The following NRXN1 variants were observed in gnomAD, a reference collection of about 807,000 sequenced individuals.
NRXN1 encodes neurexin-1.
Under a neutral mutation model 150.9 loss-of-function variants are expected in NRXN1, and 39 were observed. The ratio of observed to expected loss-of-function variants is 0.26; its 90% CI spans 0.20 to 0.34. The LOEUF is 0.34. NRXN1 is among the 10% of genes least tolerant of loss of function. NRXN1 has a pLI of 1.00. For synonymous variants in NRXN1, 924 were observed against 757.0 expected, an observed-to-expected ratio of 1.22 and a Z score of -3.62; for missense variants, 1,815 against 1,949.9, an observed-to-expected ratio of 0.93 and a Z score of 1.30.
chr2:50,428,091 T>A (rs1164118413), intron 17 of NRXN1, among the ~76,000 whole-genome samples: 3 of 152,092 alleles, frequency 2.0e-5, no homozygotes, highest in African/African-American at 7.2e-5. Context: ...AGGGGGATTG[T>A]CAATCAAGAG....
intron 17 of NRXN1, among the ~76,000 whole-genome samples, chr2:50,309,312 G>GT (rs2074960559): frequency 6.6e-6 from 1 of 152,136 alleles, no homozygotes; most frequent in East Asian, 1.9e-4. Context: ...CTAGGACACA[G>GT]TTTTTCCTCT....
intron 16 of NRXN1, among the ~76,000 whole-genome samples, chr2:50,467,515 C>T (rs1039560641): frequency 2.0e-5 from 3 of 151,420 alleles, no homozygotes; most frequent in African/African-American, 4.8e-5. Context: ...TTGAAAATGG[C>T]TTCTAAACAT....
At chr2:50,081,029 G>A (rs1301549892) in intron 19 of NRXN1, among the ~76,000 whole-genome samples, 1 of 152,070 alleles carries the variant, frequency 6.6e-6, no homozygotes. Flanking sequence ...ACATAATTTT[G>A]TATACAAATG....
intron 5 of NRXN1, among the ~76,000 whole-genome samples, chr2:50,695,012 C>T (rs759312904): frequency 2.0e-5 from 3 of 152,102 alleles, no homozygotes; most frequent in Non-Finnish European, 4.4e-5. Flanking sequence ...AGAATAAACA[C>T]AGCTGGATTC....
At chr2:50,621,760 C>T (rs1335288390) in intron 6 of NRXN1, among the ~76,000 whole-genome samples, 6 of 152,154 alleles carry the variant, frequency 3.9e-5, no homozygotes, top group Non-Finnish European at 8.8e-5. Context: ...TCCTCCTCAA[C>T]TTCAAAACTT....
chr2:50,934,518 T>C (rs1440627042), intron 2 of NRXN1, among the ~76,000 whole-genome samples: 1 of 152,126 alleles, frequency 6.6e-6, no homozygotes, highest in Non-Finnish European at 1.5e-5. Context: ...TTCAGTTCCT[T>C]AGCCATGTTC....
intron 8 of NRXN1, among the ~76,000 whole-genome samples, chr2:50,559,635 A>G (rs994354162): frequency 6.6e-6 from 1 of 152,164 alleles, no homozygotes; most frequent in Admixed American, 6.5e-5. Context: ...ACACACAACC[A>G]GAGTTTAAAC....
intron 4 of NRXN1, among the ~76,000 whole-genome samples, chr2:50,922,163 T>C (rs1027970743): frequency 6.6e-5 from 10 of 151,864 alleles, no homozygotes; most frequent in African/African-American, 9.7e-5. Flanking sequence ...TAAATCTACG[T>C]AGAGAAAGTA....
chr2:50,417,547 A>C (rs1373418906), intron 17 of NRXN1, among the ~76,000 whole-genome samples: 2 of 151,804 alleles, frequency 1.3e-5, no homozygotes, highest in Non-Finnish European at 2.9e-5. Context: ...TCTGCTTGGT[A>C]GTAGGGATTT....
chr2:50,974,971 A>G (rs1695592752), intron 2 of NRXN1, among the ~76,000 whole-genome samples: 1 of 151,982 alleles, frequency 6.6e-6, no homozygotes, highest in South Asian at 2.1e-4. Flanking sequence ...CACTGAATTA[A>G]TTTTATGATC....
intron 5 of NRXN1, among the ~76,000 whole-genome samples, chr2:50,743,558 T>C (rs1380041873): frequency 6.6e-6 from 1 of 152,154 alleles, no homozygotes; most frequent in East Asian, 1.9e-4. Context: ...ATCAATTTTG[T>C]TTTCCAGAAA....
chr2:50,646,621 A>G (rs1573949729), intron 5 of NRXN1, among the ~76,000 whole-genome samples: 1 of 151,466 alleles, frequency 6.6e-6, no homozygotes, highest in African/African-American at 2.4e-5. Context: ...GACATGAACT[A>G]GGTTCAATTA....
At chr2:50,011,293 C>G (rs1005685867) in intron 21 of NRXN1, among the ~76,000 whole-genome samples, 3 of 152,106 alleles carry the variant, frequency 2.0e-5, no homozygotes, top group Non-Finnish European at 2.9e-5. Flanking sequence ...TATTTTCATA[C>G]TTTTTTACTT....
intron 5 of NRXN1, among the ~76,000 whole-genome samples, chr2:50,671,276 T>C (rs138913641): frequency 0.014 from 2,116 of 151,864 alleles, 47 homozygotes; most frequent in African/African-American, 0.048. Flanking sequence ...AACTTTTCTA[T>C]TCTATATAGT....
intron 9 of NRXN1, among the ~76,000 whole-genome samples, chr2:50,549,969 C>G (rs552440375): frequency 1.3e-5 from 2 of 152,002 alleles, no homozygotes; most frequent in Non-Finnish European, 2.9e-5. Flanking sequence ...GACACACACA[C>G]AATTTACATA....
intron 17 of NRXN1, among the ~76,000 whole-genome samples, chr2:50,453,484 A>T (rs1215325542): frequency 2.0e-5 from 3 of 152,166 alleles, no homozygotes; most frequent in Non-Finnish European, 4.4e-5. Context: ...CAACTCCTCC[A>T]ACAACCAATT....
chr2:50,318,248 T>A (rs2075763847), intron 17 of NRXN1, among the ~76,000 whole-genome samples: 2 of 152,080 alleles, frequency 1.3e-5, no homozygotes, highest in African/African-American at 4.8e-5. Flanking sequence ...GAATTCAAAT[T>A]AAATCACAAT....
intron 9 of NRXN1, among the ~76,000 whole-genome samples, chr2:50,550,806 C>T (rs1007227995): frequency 6.6e-6 from 1 of 151,870 alleles, no homozygotes; most frequent in East Asian, 2.0e-4. Context: ...CTCAGCCTCC[C>T]GAGTGGCTGG....
intron 19 of NRXN1, among the ~76,000 whole-genome samples, chr2:50,089,903 A>C (rs1699336622): frequency 6.6e-6 from 1 of 152,226 alleles, no homozygotes; most frequent in Non-Finnish European, 1.5e-5. Context: ...CATTGCATGC[A>C]TATTAAGTTA....
Sources: gnomAD v4.1 joint callset for allele counts (sites outside exome capture counted in the v4.1 genomes callset) on GRCh38, gnomAD v4.1.1 for gene constraint, MANE v1.5 for transcripts, NCBI Gene and HGNC (gene_info 2026-07-23, HGNC 2026-07-21) for gene names.